Variants in TRAPPC9 observed in about 807,000 individuals in gnomAD.
TRAPPC9 encodes the protein trafficking protein particle complex subunit 9.
Under a neutral mutation model 124.0 loss-of-function variants are expected in TRAPPC9, and 83 were observed. The ratio of observed to expected loss-of-function variants is 0.67; its 90% confidence interval spans 0.56 to 0.80. The LOEUF is 0.80. TRAPPC9 is among the 30% of genes least tolerant of loss of function. The pLI is 0.00. For synonymous variants in TRAPPC9, 638 were observed against 617.5 expected (o/e 1.03, Z -0.49); for missense variants, 1,302 against 1,508.3 (o/e 0.86, Z 2.27).
At chr8:139,769,736 G>C (rs1320525343) in intron 21 of TRAPPC9, among the ~76,000 whole-genome samples, 10 of 152,220 alleles carry the variant, frequency 6.6e-5, no homozygotes, top group Non-Finnish European at 1.5e-5. Context: ...GATCTCATAG[G>C]TCAGAGAAAA....
intron 10 of TRAPPC9, among the ~76,000 whole-genome samples, chr8:140,308,493 G>A (rs2066200393): frequency 6.6e-6 from 1 of 152,010 alleles, no homozygotes. Context: ...GGAGTCACCA[G>A]GACACTTAGG....
At position 140,284,080 on chromosome 8, in the gene TRAPPC9, G is replaced by C. The variant is rs555775696; in HGVS notation, c.1982-59C>G. On this transcript the variant is annotated intron_variant, in intron 13 of 22. Transcript: ENST00000438773. Reference sequence around the variant, plus strand: ...GCAAGGCTTTGGGTCTCACGCCCACGGCTGAAGCAGTGCGAAGAGTACGGG... The same window carrying C: ...GCAAGGCTTTGGGTCTCACGCCCACCGCTGAAGCAGTGCGAAGAGTACGGG... 106 of 1,608,588 alleles carry C rather than the reference G, an allele frequency of 6.6e-5. No homozygotes were observed. The East Asian group carries it at 2.3e-3, about 36-fold the overall frequency.
intron 21 of TRAPPC9, among the ~76,000 whole-genome samples, chr8:139,812,152 G>T (rs1410784168): frequency 6.6e-6 from 1 of 152,114 alleles, no homozygotes; most frequent in South Asian, 2.1e-4. Flanking sequence ...TGGTTCTGAT[G>T]GAAAGTTCAA....
intron 21 of TRAPPC9, among the ~76,000 whole-genome samples, chr8:139,806,496 AG>A (rs1464359202): frequency 6.6e-6 from 1 of 152,230 alleles, no homozygotes; most frequent in Non-Finnish European, 1.5e-5. Context: ...AATATGTAGC[AG>A]CAGCAACAGG....
At chr8:139,948,961 T>G (rs369013782) in intron 19 of TRAPPC9, among the ~76,000 whole-genome samples, 1 of 151,968 alleles carries the variant, frequency 6.6e-6, no homozygotes, top group East Asian at 1.9e-4. Flanking sequence ...TAATCCCAGC[T>G]AATTGGGAGG....
intron 21 of TRAPPC9, among the ~76,000 whole-genome samples, chr8:139,850,706 T>A (rs1473414): frequency 1.3e-5 from 2 of 151,918 alleles, no homozygotes; most frequent in Admixed American, 1.3e-4. Context: ...CACTCATCAG[T>A]GGTCCACCCA....
intron 19 of TRAPPC9, among the ~76,000 whole-genome samples, chr8:139,979,641 T>G (rs1836747606): frequency 6.6e-6 from 1 of 151,932 alleles, no homozygotes; most frequent in Non-Finnish European, 1.5e-5. Context: ...TCTACGAACC[T>G]CTAGTACAGC....
chr8:140,238,086 GACTT>G (rs2131411667), intron 16 of TRAPPC9, among the ~76,000 whole-genome samples: 1 of 152,246 alleles, frequency 6.6e-6, no homozygotes, highest in African/African-American at 2.4e-5. Context: ...ACACCTAGCT[GACTT>G]GTCTCACGGT....
chr8:139,907,916 A>C lies in TRAPPC9; in HGVS notation c.2964+2231T>G, dbSNP rs1197700344. ...ACGGGGTGCAGGAACTGGCCACGCCACTTTCTCTTTGTGAAGTGGAGTCAC... is the reference window on the plus strand; with the variant it reads ...ACGGGGTGCAGGAACTGGCCACGCCCCTTTCTCTTTGTGAAGTGGAGTCAC... On this transcript the variant is annotated intron_variant, in intron 20 of 22. Transcript: ENST00000438773. This position sits in a 1 kb window ranked among gnomAD's most constrained non-coding sequence, Gnocchi z 4.7. 1.3e-5 allele frequency among the ~76,000 whole-genome samples: 2 copies of C among 152,180 alleles called. No individual in the cohort carries two copies. The highest frequency in any genetic ancestry group is 1.3e-4 in the Admixed American group (2 of 15,282).
intron 17 of TRAPPC9, among the ~76,000 whole-genome samples, chr8:140,091,789 T>TA (rs982677742): frequency 6.6e-6 from 1 of 152,056 alleles, no homozygotes; most frequent in African/African-American, 2.4e-5. Context: ...AACAGAGAAT[T>TA]AAAAACTGTC....
At chr8:139,899,949 A>G (rs1391893449) in intron 20 of TRAPPC9, among the ~76,000 whole-genome samples, 2 of 152,144 alleles carry the variant, frequency 1.3e-5, no homozygotes, top group African/African-American at 4.8e-5. Flanking sequence ...GCACAACCCC[A>G]CAGAACCAAA....
intron 14 of TRAPPC9, among the ~76,000 whole-genome samples, chr8:140,281,948 T>C (rs10091900): frequency 0.039 from 5,995 of 152,142 alleles, 214 homozygotes; most frequent in African/African-American, 0.099. Flanking sequence ...ACATGGGACC[T>C]CCCGCATCAC....
intron 13 of TRAPPC9, among the ~76,000 whole-genome samples, chr8:140,286,691 G>A (rs955118803): frequency 6.6e-6 from 1 of 152,114 alleles, no homozygotes; most frequent in African/African-American, 2.4e-5. Context: ...GCAGTTTTGG[G>A]GAGGCGAGGT....
intron 19 of TRAPPC9, among the ~76,000 whole-genome samples, chr8:139,975,971 G>A (rs929446914): frequency 7.2e-6 from 1 of 139,022 alleles, no homozygotes; most frequent in Non-Finnish European, 1.5e-5. Flanking sequence ...CTCACTGCAG[G>A]CTTCACCCCC....
At chr8:139,941,345 C>G (rs1165009474) in intron 19 of TRAPPC9, among the ~76,000 whole-genome samples, 3 of 152,184 alleles carry the variant, frequency 2.0e-5, no homozygotes, top group African/African-American at 7.2e-5. Flanking sequence ...GGGCCGGCAG[C>G]CCCTAGCCAG....
At chr8:140,389,979 G>C (rs1213347620) in intron 7 of TRAPPC9, among the ~76,000 whole-genome samples, 1 of 152,160 alleles carries the variant, frequency 6.6e-6, no homozygotes, top group African/African-American at 2.4e-5. Context: ...TAGAGACTCA[G>C]CTCTAAGGCT....
chr8:140,169,244 T>C (rs953944864), intron 17 of TRAPPC9, among the ~76,000 whole-genome samples: 2 of 152,212 alleles, frequency 1.3e-5, no homozygotes, highest in African/African-American at 4.8e-5. Context: ...GAAGCACCAC[T>C]TCACATCCAC....
intron 21 of TRAPPC9, among the ~76,000 whole-genome samples, chr8:139,860,917 C>T (rs1828095093): frequency 6.6e-6 from 1 of 152,250 alleles, no homozygotes; most frequent in African/African-American, 2.4e-5. Context: ...TACCAGGCTA[C>T]AGTCAACAAA....
At chr8:139,746,527 G>C (rs1818902247) in intron 21 of TRAPPC9, among the ~76,000 whole-genome samples, 1 of 152,188 alleles carries the variant, frequency 6.6e-6, no homozygotes, top group South Asian at 2.1e-4. Flanking sequence ...CCCCAGGTGG[G>C]TAGAGCCTCA....
Sources: gnomAD v4.1 joint callset for allele counts (sites outside exome capture counted in the v4.1 genomes callset) on GRCh38, gnomAD v4.1.1 for gene constraint, Gnocchi (gnomAD v3.1) non-coding constraint, MANE v1.5 for transcripts, NCBI Gene and HGNC (gene_info 2026-07-23, HGNC 2026-07-21) for gene names.